The following TTLL6 variants were observed in gnomAD, a reference collection of about 807,000 sequenced individuals.
TTLL6 encodes tubulin tyrosine ligase like 6, also known as tubulin polyglutamylase TTLL6.
TTLL6 carries 75 observed loss-of-function variants against 96.4 expected under a neutral mutation model. The ratio of observed to expected loss-of-function variants is 0.78; its 90% CI spans 0.65 to 0.94. The LOEUF (loss-of-function observed/expected upper bound fraction) is 0.94. Among genes scored for constraint, TTLL6 ranks in the 40% least tolerant of loss-of-function variants. The pLI, the probability that TTLL6 is intolerant of heterozygous loss-of-function variation, is 0.00. For missense variants in TTLL6, 1,030 were observed against 1,093.0 expected (o/e 0.94, Z 0.81); for synonymous variants, 411 against 419.4 (o/e 0.98, Z 0.24).
rs2039138076 is a variant in TTLL6, at chr17:48,787,937, T to G, written c.1463A>C (p.Glu488Ala). 1.9e-6 allele frequency: 3 copies of G among 1,614,074 alleles called. No homozygotes were observed. Among genetic ancestry groups the G allele is most frequent in the Non-Finnish European group, 2.5e-6 (3 of 1,180,042 alleles). Residue 488 changes from glutamate (E) to alanine (A), a missense_variant, in exon 11 of 16, where the codon GAA (glutamate) becomes GCA (alanine). By Grantham distance (107) the Glu-to-Ala change is moderately radical (BLOSUM62 -1). Transcript: ENST00000393382. Reference protein sequence around the residue: ...QLKKTETYEKENCGGFRLIYP... With the variant: ...QLKKTETYEKANCGGFRLIYP... The stretch of plus-strand genomic sequence containing the variant: ...AATCAGTCGGAACCCTCCACAGTTT[T>G]CCTTCTCATACGTTTCAGTTTTCTT...
At chr17:48,801,774 T>C in intron 3 of TTLL6, 131 bp from the exon 4 acceptor site, 1 of 658,068 alleles carries the variant, frequency 1.5e-6, no homozygotes, top group South Asian at 1.9e-5. Context: ...CTGGAAGCCA[T>C]CTTGCCCTCT....
intron 15 of TTLL6, among the ~76,000 whole-genome samples, chr17:48,765,347 G>C (rs550074393): frequency 8.7e-4 from 133 of 152,234 alleles, no homozygotes; most frequent in Non-Finnish European, 1.5e-3. Flanking sequence ...TGGAGTTTGA[G>C]ATTATAGTGA....
At chr17:48,782,705 C>CT (rs1165355539) in intron 13 of TTLL6, among the ~76,000 whole-genome samples, 3 of 151,384 alleles carry the variant, frequency 2.0e-5, no homozygotes, top group Non-Finnish European at 3.0e-5. Context: ...GTAACTGGTA[C>CT]TTTTTTTTTC....
intron 1 of TTLL6, among the ~76,000 whole-genome samples, chr17:48,805,775 C>A (rs555007313): frequency 6.6e-6 from 1 of 152,180 alleles, no homozygotes; most frequent in South Asian, 2.1e-4. Context: ...ACGTTTGAGA[C>A]CAGCCTGGCC....
intron 13 of TTLL6, among the ~76,000 whole-genome samples, chr17:48,775,067 G>A (rs2038843975): frequency 6.6e-6 from 1 of 151,680 alleles, no homozygotes; most frequent in Non-Finnish European, 1.5e-5. Flanking sequence ...CTGGGAGACT[G>A]AGCAAAGATC....
chr17:48,813,475 C>T (rs1474210387), intron 1 of TTLL6, among the ~76,000 whole-genome samples: 3 of 152,162 alleles, frequency 2.0e-5, no homozygotes, highest in Non-Finnish European at 4.4e-5. Context: ...GGGAGGATCA[C>T]TTTAGCCCGG....
chr17:48,787,730 G>T, intron 11 of TTLL6, 81 bp downstream of exon 11: 1 of 1,399,702 alleles, frequency 7.1e-7, no homozygotes, highest in Non-Finnish European at 9.8e-7. Context: ...GACTCTCCCT[G>T]CCACTCCAGG....
In TTLL6 at chr17:48,775,686, C is replaced by T. The variant is rs577341438; in HGVS notation, c.2041-5589G>A. On this transcript the variant is annotated intron_variant, in intron 13 of 15. Coordinates refer to ENST00000393382, the MANE Select transcript of TTLL6 (RefSeq NM_001130918.3). ...CCTCCTGAGTAGCTGAGATTACAGG[C>T]ATGCACCACCACATCCGGTTAATTT... 5.9e-5 allele frequency among the ~76,000 whole-genome samples: 9 copies of T among 152,106 alleles called. No individual in the cohort carries two copies. In the South Asian group the frequency reaches 1.7e-3, roughly 28 times the overall value.
chr17:48,809,664 G>T (rs947007474), intron 1 of TTLL6, among the ~76,000 whole-genome samples: 1 of 151,796 alleles, frequency 6.6e-6, no homozygotes, highest in African/African-American at 2.4e-5. Context: ...TTCAAAACCC[G>T]CCTGGGCAAC....
In TTLL6 at chr17:48,787,977, G is replaced by T. The variant is rs147901482; in HGVS notation, c.1423C>A (p.Arg475=). The change falls in exon 11 of 16, where the codon CGG becomes AGG. Residue 475 remains arginine (R), a synonymous_variant. Coordinates refer to ENST00000393382, the MANE Select transcript of TTLL6 (RefSeq NM_001130918.3). ...TCAGTTTTCTTTAACTGCACGGCCC[G>T]GAAACCCTTGGCTTCCTCAATCCTG... is the stretch of plus-strand genomic sequence containing the variant. The part of the protein sequence containing the change: ...EMRIEEAKGF[R]AVQLKKTETY... 6.2e-7 allele frequency: 1 copy of T among 1,613,896 alleles called. No homozygotes were observed. Among genetic ancestry groups the T allele is most frequent in the Admixed American group, 1.7e-5 (1 of 59,980 alleles).
In TTLL6 at chr17:48,784,997, C is replaced by T; in HGVS notation, c.1966G>A (p.Glu656Lys). 1 of 1,614,210 alleles carries T rather than the reference C, an allele frequency of 6.2e-7. No homozygotes were observed. Among genetic ancestry groups the T allele is most frequent in the Non-Finnish European group, 8.5e-7 (1 of 1,180,034 alleles). ...RNINLSSSKL[E>K]PSKPNFSIKE... Reference sequence around the variant, plus strand: ...ATGCTGAAGTTGGGTTTACTGGGCTCCAACTTCGAGCTGCTGAGATTGATA... The same window carrying T: ...ATGCTGAAGTTGGGTTTACTGGGCTTCAACTTCGAGCTGCTGAGATTGATA... Residue 656 changes from glutamate to lysine, a missense_variant, in exon 13 of 16, where the codon GAG becomes AAG. Physicochemically the swap from Glu to Lys is moderately conservative, Grantham distance 56. Coordinates refer to ENST00000393382, the MANE Select transcript of TTLL6 (RefSeq NM_001130918.3).
chr17:48,803,911 G>C lies in TTLL6; in HGVS notation c.341C>G (p.Ser114Cys), dbSNP rs745306947. 17 of 1,551,836 alleles carry C rather than the reference G, an allele frequency of 1.1e-5. No individual in the cohort carries two copies. The highest frequency in any genetic ancestry group is 1.4e-5 in the Non-Finnish European group (16 of 1,147,072). Residue 114 changes from serine (S) to cysteine (C), a missense_variant, in exon 3 of 16, where the codon TCC becomes TGC. Physicochemically the swap from Ser to Cys is moderately radical, Grantham distance 112. Coordinates refer to ENST00000393382, the MANE Select transcript of TTLL6 (RefSeq NM_001130918.3). ...CTCACCACTCTCATACCGGCAGCTG[G>C]ATAGATTGATCACCAATCATCTGGA... The part of the protein sequence containing the change: ...RKKKRLVINL[S>C]SCRYESVRRA...
At chr17:48,808,785 G>A (rs2143480856) in intron 1 of TTLL6, among the ~76,000 whole-genome samples, 1 of 152,144 alleles carries the variant, frequency 6.6e-6, no homozygotes, top group East Asian at 1.9e-4. Context: ...TGGCCAGCCT[G>A]GTCTCAAACT....
chr17:48,816,528 A>C (rs2039669563), intron 1 of TTLL6, among the ~76,000 whole-genome samples: 1 of 152,214 alleles, frequency 6.6e-6, no homozygotes, highest in Admixed American at 6.5e-5. Context: ...CCAGGCTGGA[A>C]GGCGGTAGGG....
chr17:48,775,133 A>G (rs1044324665), intron 13 of TTLL6, among the ~76,000 whole-genome samples: 1 of 152,066 alleles, frequency 6.6e-6, no homozygotes, highest in Non-Finnish European at 1.5e-5. Context: ...AAAAAAAAAA[A>G]AGAAAGAAAG....
chr17:48,770,179 T>C, intron 13 of TTLL6, 82 bp from the exon 14 acceptor site: 1 of 1,493,872 alleles, frequency 6.7e-7, no homozygotes, highest in Admixed American at 2.4e-5. Flanking sequence ...TTTTTATTTT[T>C]TGAGACAAGG....
At chr17:48,797,019 C>A in intron 7 of TTLL6, 42 bp downstream of exon 7, 2 of 1,518,626 alleles carry the variant, frequency 1.3e-6, no homozygotes, top group Non-Finnish European at 1.8e-6. Flanking sequence ...TTTTTAATCA[C>A]GCTATGGGGG....
chr17:48,801,472 C>T (rs2143442187), intron 4 of TTLL6, 53 bp downstream of exon 4: 2 of 1,550,888 alleles, frequency 1.3e-6, no homozygotes, highest in East Asian at 4.9e-5. Context: ...AAAATGGGGC[C>T]CCGCCGGGTA....
At chr17:48,781,724 C>A (rs2038990355) in intron 13 of TTLL6, among the ~76,000 whole-genome samples, 1 of 152,060 alleles carries the variant, frequency 6.6e-6, no homozygotes, top group African/African-American at 2.4e-5. Context: ...GCTGATGTCC[C>A]CCCAAAATTC....
Sources: allele counts gnomAD v4.1 joint callset (sites outside exome capture counted in the v4.1 genomes callset), GRCh38; gene constraint gnomAD v4.1.1; transcripts MANE v1.5; gene names NCBI Gene and HGNC (gene_info 2026-07-23, HGNC 2026-07-21).